B4GALNT3: variants seen among roughly 807,000 people sequenced by gnomAD.
The protein encoded by B4GALNT3 is beta-1,4-N-acetylgalactosaminyltransferase 3.
A neutral mutation model predicts 120.2 loss-of-function variants in B4GALNT3; 86 were observed. The ratio of observed to expected loss-of-function variants is 0.72; its 90% CI spans 0.60 to 0.86. B4GALNT3 has a LOEUF of 0.86. Among genes scored for constraint, B4GALNT3 ranks in the 40% least tolerant of loss-of-function variants. The pLI, the probability that B4GALNT3 is intolerant of heterozygous loss-of-function variation, is 0.00. For missense variants in B4GALNT3, 1,167 were observed against 1,298.9 expected (o/e 0.90, Z 1.56); for synonymous variants, 518 against 510.4 (o/e 1.01, Z -0.20).
chr12:485,627 C>G (rs957426481), intron 1 of B4GALNT3, among the ~76,000 whole-genome samples: 1 of 152,114 alleles, frequency 6.6e-6, no homozygotes, highest in African/African-American at 2.4e-5. Context: ...ATGGGATTGC[C>G]TAGGAAGCTT....
intron 3 of B4GALNT3, among the ~76,000 whole-genome samples, chr12:542,898 G>A (rs1946935139): frequency 6.6e-6 from 1 of 152,178 alleles, no homozygotes; most frequent in Non-Finnish European, 1.5e-5. Flanking sequence ...TGCTTCCCAA[G>A]GGGAGCCAGA....
rs964709586 is a variant in B4GALNT3, at chr12:535,987, G to T, written c.274-231G>T. Among the ~76,000 whole-genome samples, 9 of 152,206 alleles carry T rather than the reference G, an allele frequency of 5.9e-5. 1 individual carries two copies. The South Asian group carries it at 8.3e-4, about 14-fold the overall frequency. ...CCCTCAAGAGGTCCTGACCTAAAGAGGGTAAACTGCTTTCCCATATGGGGA... is the reference window on the plus strand; with the variant it reads ...CCCTCAAGAGGTCCTGACCTAAAGATGGTAAACTGCTTTCCCATATGGGGA... On this transcript the variant is annotated intron_variant, in intron 2 of 19. Coordinates refer to ENST00000266383, the MANE Select transcript of B4GALNT3 (RefSeq NM_173593.4).
At chr12:512,634 GCCTTCCACCTTCCA>G (rs547585240) in intron 1 of B4GALNT3, among the ~76,000 whole-genome samples, 10 of 40,424 alleles carry the variant, frequency 2.5e-4, no homozygotes, top group Admixed American at 2.4e-3. Context: ...TCCACCTTCC[GCCTTCCACCTTCCA>G]CCTTCCACCT....
chr12:535,013 A>C (rs189234610), intron 1 of B4GALNT3, among the ~76,000 whole-genome samples, 153 bp from the exon 2 acceptor site: 2 of 152,160 alleles, frequency 1.3e-5, no homozygotes, highest in Non-Finnish European at 2.9e-5. Context: ...GTCTGCAGCT[A>C]TCTCCTGCCC....
intron 1 of B4GALNT3, among the ~76,000 whole-genome samples, chr12:479,957 A>G (rs1468019196): frequency 4.0e-5 from 5 of 124,924 alleles, no homozygotes; most frequent in South Asian, 5.1e-4. Flanking sequence ...TCTGTCGCCC[A>G]GGCTGGAGTG....
chr12:547,576 G>A (rs1162805076), intron 7 of B4GALNT3, among the ~76,000 whole-genome samples: 1 of 152,188 alleles, frequency 6.6e-6, no homozygotes, highest in Non-Finnish European at 1.5e-5. Flanking sequence ...GTGCAGCTCC[G>A]CAGAGCAGCT....
intron 1 of B4GALNT3, among the ~76,000 whole-genome samples, chr12:498,749 C>T (rs979775791): frequency 2.0e-5 from 3 of 152,200 alleles, no homozygotes; most frequent in African/African-American, 4.8e-5. Flanking sequence ...ATAACTTTGT[C>T]TTTTTGGATG....
At chr12:495,196 G>C (rs1946377154) in intron 1 of B4GALNT3, among the ~76,000 whole-genome samples, 1 of 152,180 alleles carries the variant, frequency 6.6e-6, no homozygotes, top group Non-Finnish European at 1.5e-5. Context: ...CAGTCACACT[G>C]TAACAGCCAG....
Position 511,013 on chromosome 12 carries a change from CTTTTTTTTTTTTTTTTTTTTTTTTTTTTT to C in B4GALNT3, c.170-24139_170-24111del, listed in dbSNP as rs762032000. Among the ~76,000 whole-genome samples, 23 of 43,910 alleles carry C rather than the reference CTTTTTTTTTTTTTTTTTTTTTTTTTTTTT, an allele frequency of 5.2e-4. No individual in the cohort carries two copies. In the East Asian group the frequency reaches 5.4e-3, roughly 10 times the overall value. The allele number at this position is 43,910 out of a possible 152,430, so 28.8% of individuals were successfully genotyped here. A position where few individuals can be genotyped will look rare whatever the true frequency, so the allele number is the denominator to read the frequency against. Reference sequence around the variant, plus strand: ...TTTGGTCTCTATGGATTTGCCTATTCTTTTTTTTTTTTTTTTTTTTTTTTTTTTTTTTTTTTTTTTTTGAGACAGGGTCT... The same window carrying C: ...TTTGGTCTCTATGGATTTGCCTATTCTTTTTTTTTTTTTGAGACAGGGTCT... On this transcript the variant is annotated intron_variant, in intron 1 of 19. Transcript: ENST00000266383.
intron 1 of B4GALNT3, among the ~76,000 whole-genome samples, chr12:511,387 CACCTTCT>C (rs1222784006): frequency 3.8e-5 from 5 of 131,032 alleles, no homozygotes; most frequent in African/African-American, 1.4e-4. Flanking sequence ...TTCCGCCTTC[CACCTTCT>C]GTCTTCCACC....
intron 1 of B4GALNT3, among the ~76,000 whole-genome samples, chr12:512,580 C>T (rs1289441437): frequency 7.3e-6 from 1 of 136,826 alleles, no homozygotes; most frequent in African/African-American, 2.6e-5. Flanking sequence ...CTTCCACCTT[C>T]TTCCACCTTC....
At chr12:504,216 G>A (rs1046888616) in intron 1 of B4GALNT3, among the ~76,000 whole-genome samples, 16 of 150,980 alleles carry the variant, frequency 1.1e-4, no homozygotes, top group Non-Finnish European at 2.2e-4. Context: ...GGGAAGTCGA[G>A]GCTGCAGTGA....
intron 12 of B4GALNT3, 78 bp downstream of exon 12, chr12:552,241 G>T: frequency 2.3e-6 from 3 of 1,312,682 alleles, no homozygotes; most frequent in South Asian, 1.2e-5. Flanking sequence ...CTGGACCAGG[G>T]TGATGGTGGC....
chr12:470,762 G>GCTTATCT, intron 1 of B4GALNT3, among the ~76,000 whole-genome samples: 1 of 152,118 alleles, frequency 6.6e-6, no homozygotes, highest in African/African-American at 2.4e-5. Context: ...GTTTTGAGAT[G>GCTTATCT]GAGTCTCGCT....
At chr12:466,434 A>G (rs973835458) in intron 1 of B4GALNT3, among the ~76,000 whole-genome samples, 7 of 152,184 alleles carry the variant, frequency 4.6e-5, no homozygotes, top group African/African-American at 7.2e-5. Flanking sequence ...TATTTTCCAC[A>G]AGCACTTTTC....
chr12:557,559 A>T (rs775351948), intron 15 of B4GALNT3, 49 bp from the exon 16 acceptor site: 1 of 1,573,694 alleles, frequency 6.4e-7, no homozygotes, highest in Admixed American at 1.9e-5. Context: ...TCATCCGCTC[A>T]TCTTTGCCTT....
rs572176231 is a variant in B4GALNT3, at chr12:557,506, G to A, written c.2381-102G>A. ...TGCACTGTCCCCTCAGCCGAGGTCCGATGGGCACTCCTGACTCACCTGGGA... is the reference window on the plus strand; with the variant it reads ...TGCACTGTCCCCTCAGCCGAGGTCCAATGGGCACTCCTGACTCACCTGGGA... On this transcript the variant is annotated intron_variant, in intron 15 of 19. Coordinates refer to ENST00000266383, the MANE Select transcript of B4GALNT3 (RefSeq NM_173593.4). The A allele has an allele frequency of 1.8e-4, 221 of 1,248,108 alleles. 1 individual carries two copies. In the Middle Eastern group the frequency reaches 1.9e-3, roughly 11 times the overall value. 77.3% of individuals were successfully genotyped at this position (1,248,108 alleles called of 1,614,324 possible).
At chr12:485,340 G>A (rs1366914165) in intron 1 of B4GALNT3, among the ~76,000 whole-genome samples, 2 of 152,188 alleles carry the variant, frequency 1.3e-5, no homozygotes, top group East Asian at 3.8e-4. Flanking sequence ...AACCAGCTAT[G>A]GGAAATGGAT....
At chr12:543,751 G>A (rs1592050565) in intron 3 of B4GALNT3, among the ~76,000 whole-genome samples, 1 of 117,776 alleles carries the variant, frequency 8.5e-6, no homozygotes, top group Admixed American at 7.9e-5. Flanking sequence ...GATGGGCATG[G>A]GGTGCTCATC....
Sources: gnomAD v4.1 joint callset for allele counts (sites outside exome capture counted in the v4.1 genomes callset) on GRCh38, gnomAD v4.1.1 for gene constraint, MANE v1.5 for transcripts, NCBI Gene and HGNC (gene_info 2026-07-23, HGNC 2026-07-21) for gene names.